Variants in HCN2 observed in about 807,000 individuals in gnomAD.
The protein encoded by HCN2 is potassium/sodium hyperpolarization-activated cyclic nucleotide-gated channel 2.
In HCN2, 20 loss-of-function variants were observed where a neutral mutation model predicts 52.3. The observed-to-expected ratio is 0.38, with a 90% CI of 0.27 to 0.56. HCN2 has a LOEUF of 0.56. Ranked by LOEUF, HCN2 falls within the 20% of genes least tolerant of loss-of-function variation. The pLI, the probability that HCN2 is intolerant of heterozygous loss-of-function variation, is 0.71. For missense variants in HCN2, 981 were observed against 1,207.7 expected, an observed-to-expected ratio of 0.81 and a Z score of 2.78; for synonymous variants, 694 against 537.0, an observed-to-expected ratio of 1.29 and a Z score of -4.04.
At position 605,112 on chromosome 19, in the gene HCN2, C is replaced by A; in HGVS notation, c.1108C>A (p.Leu370Ile). The A allele has an allele frequency of 6.2e-7, 1 of 1,612,034 alleles. No homozygotes were observed. Among genetic ancestry groups the A allele is most frequent in the South Asian group, 1.1e-5 (1 of 91,042 alleles). ...CAGCGCGGTGATGAGGATCTGCAAT[C>A]TCATCAGCATGATGCTGCTGCTCTG... ...LASAVMRICN[L>I]ISMMLLLCHW... The change falls in exon 3 of 8, where the codon CTC (leucine) becomes ATC (isoleucine). Residue 370 changes from leucine to isoleucine, a missense_variant. Leu to Ile is a conservative substitution (Grantham distance 5). Coordinates refer to ENST00000251287, the MANE Select transcript of HCN2 (RefSeq NM_001194.4).
chr19:604,601 G>GT (rs1342984333), intron 2 of HCN2, among the ~76,000 whole-genome samples: 1 of 146,138 alleles, frequency 6.8e-6, no homozygotes, highest in East Asian at 2.1e-4. Context: ...AGACATCCGA[G>GT]TGGAGATATG....
At chr19:602,802 A>G (rs1193168093) in intron 1 of HCN2, among the ~76,000 whole-genome samples, 2 of 152,190 alleles carry the variant, frequency 1.3e-5, no homozygotes, top group African/African-American at 4.8e-5. Context: ...TGCATCTTCA[A>G]GGACACGGGG....
chr19:597,512 T>C (rs924716274), intron 1 of HCN2, among the ~76,000 whole-genome samples: 5 of 151,484 alleles, frequency 3.3e-5, no homozygotes, highest in African/African-American at 1.2e-4. Flanking sequence ...TAGGTCCCCC[T>C]TGACAGTTTC....
chr19:596,688 G>A (rs564004191), intron 1 of HCN2, among the ~76,000 whole-genome samples: 33 of 152,304 alleles, frequency 2.2e-4, no homozygotes, highest in African/African-American at 7.5e-4. Flanking sequence ...GCTGGGGCCC[G>A]CCTGGGTCCC....
intron 3 of HCN2, among the ~76,000 whole-genome samples, chr19:606,520 A>G (rs1600528668): frequency 2.0e-5 from 3 of 151,990 alleles, no homozygotes; most frequent in Non-Finnish European, 4.4e-5. Flanking sequence ...AATTTACAAC[A>G]TGGCCCTGAA....
intron 7 of HCN2, among the ~76,000 whole-genome samples, chr19:615,381 G>A (rs113951448): frequency 6.6e-6 from 1 of 152,178 alleles, no homozygotes; most frequent in Non-Finnish European, 1.5e-5. Flanking sequence ...GGGTGTGGTG[G>A]CGGGCGCCTG....
At chr19:614,477 T>C (rs1255236261) in intron 7 of HCN2, among the ~76,000 whole-genome samples, 1 of 152,034 alleles carries the variant, frequency 6.6e-6, no homozygotes, top group Non-Finnish European at 1.5e-5. Context: ...GTGGGGCCGG[T>C]GGGCTTCCCT....
chr19:604,813 G>GA (rs2144518554), intron 2 of HCN2, among the ~76,000 whole-genome samples: 1 of 84,982 alleles, frequency 1.2e-5, no homozygotes, highest in African/African-American at 5.5e-5. Flanking sequence ...CTAGGGCGGG[G>GA]GCTGTGGATT....
At chr19:612,604 G>C (rs948505666) in intron 5 of HCN2, among the ~76,000 whole-genome samples, 1 of 152,006 alleles carries the variant, frequency 6.6e-6, no homozygotes, top group Admixed American at 6.6e-5. Context: ...TAGTAGAGAT[G>C]GGGTTTCACC....
intron 1 of HCN2, among the ~76,000 whole-genome samples, chr19:595,402 G>C (rs748647015): frequency 2.6e-5 from 4 of 151,728 alleles, no homozygotes; most frequent in African/African-American, 9.7e-5. Flanking sequence ...TCCAGACATC[G>C]GTCCTTCTTT....
At chr19:608,535 T>C (rs1180182939) in intron 4 of HCN2, among the ~76,000 whole-genome samples, 1 of 151,042 alleles carries the variant, frequency 6.6e-6, no homozygotes, top group Non-Finnish European at 1.5e-5. Flanking sequence ...GGTGAGAGGT[T>C]CTCTGACCCT....
chr19:602,073 C>A (rs1568363302), intron 1 of HCN2, among the ~76,000 whole-genome samples: 3 of 136,064 alleles, frequency 2.2e-5, no homozygotes, highest in African/African-American at 8.7e-5. Flanking sequence ...GGCTTCCCTC[C>A]CTCCTGTGTG....
chr19:595,671 C>T (rs779522814), intron 1 of HCN2, among the ~76,000 whole-genome samples: 8 of 152,312 alleles, frequency 5.3e-5, no homozygotes, highest in South Asian at 2.1e-4. Flanking sequence ...TCGTGTGCCC[C>T]GGCGCCCGGC....
chr19:614,076 G>C lies in HCN2; in HGVS notation c.1990+60G>C. 5 of 1,274,214 alleles carry C rather than the reference G, an allele frequency of 3.9e-6. No individual in the cohort carries two copies. In the South Asian group the frequency reaches 6.4e-5, roughly 16 times the overall value. 78.9% of individuals were successfully genotyped at this position (1,274,214 alleles called of 1,614,324 possible). ...CCTGGCGGGGGAGGGGCGTGGCCAA[G>C]GCATCAGGAGAGTGGCTTGGACAGT... On this transcript the variant is annotated intron_variant, in intron 7 of 7. Transcript: ENST00000251287.
chr19:613,654 G>T (rs1983757839), intron 6 of HCN2, among the ~76,000 whole-genome samples, 166 bp downstream of exon 6: 1 of 97,362 alleles, frequency 1.0e-5, no homozygotes. Flanking sequence ...TGGGGATGGG[G>T]ATGGGGCCGG....
At chr19:612,425 T>TGAGAGA (rs1169120336) in intron 5 of HCN2, among the ~76,000 whole-genome samples, 51 of 109,504 alleles carry the variant, frequency 4.7e-4, no homozygotes, top group African/African-American at 1.5e-3. Flanking sequence ...TGTGTGTGTG[T>TGAGAGA]GTGAGAGAGA....
intron 1 of HCN2, among the ~76,000 whole-genome samples, chr19:594,218 CGGTG>C (rs60998730): frequency 0.46 from 69,702 of 151,304 alleles, 17,041 homozygotes; most frequent in East Asian, 0.66. Flanking sequence ...TCCCTGCCCC[CGGTG>C]TCACCGAGGG....
At position 590,322 on chromosome 19, in the gene HCN2, C is replaced by T. The variant is rs1258293482; in HGVS notation, c.377C>T (p.Ser126Leu). ...GCGCGGGGGCCCAAGGTGTCGTTCT[C>T]GTGCCGCGGGGCGGCCTCGGGGCCC... ...GPARGPKVSF[S>L]CRGAASGPAP... Residue 126 changes from serine (S) to leucine (L), a missense_variant, in exon 1 of 8, where the codon TCG (serine) becomes TTG (leucine). By Grantham distance (145) the Ser-to-Leu change is moderately radical. Around this residue, in one of 6 missense-constraint regions of HCN2, gnomAD observed 215 missense variants for 179.4 expected, o/e 1.20. Transcript: ENST00000251287. The surrounding 1 kb of genome is among the most constrained non-coding windows in gnomAD (Gnocchi z 7.2). 15 of 1,021,846 alleles carry T rather than the reference C, an allele frequency of 1.5e-5. No individual in the cohort carries two copies. The highest frequency in any genetic ancestry group is 2.0e-4 in the East Asian group (2 of 10,256). 63.3% of individuals were successfully genotyped at this position (1,021,846 alleles called of 1,614,324 possible). A position where few individuals can be genotyped will look rare whatever the true frequency, so the allele number is the denominator to read the frequency against.
rs950723487 is a variant in HCN2, at chr19:592,423, A to C, written c.632+1846A>C. 2.6e-5 allele frequency among the ~76,000 whole-genome samples: 4 copies of C among 151,898 alleles called. No homozygotes were observed. Among genetic ancestry groups the C allele is most frequent in the African/African-American group, 9.7e-5 (4 of 41,340 alleles). ...GCTTGGGGGGAAGGCCGGTGGTAGG[A>C]GTGAAGCCCTCTCATCCTTCCACCC... is the stretch of plus-strand genomic sequence containing the variant. On this transcript the variant is annotated intron_variant, in intron 1 of 7. Transcript: ENST00000251287. This position sits in a 1 kb window ranked among gnomAD's most constrained non-coding sequence, Gnocchi z 4.8.
Sources: gnomAD v4.1 joint callset for allele counts (sites outside exome capture counted in the v4.1 genomes callset) on GRCh38, gnomAD v4.1.1 for gene constraint, gnomAD v4.1.1 regional missense constraint, Gnocchi (gnomAD v3.1) non-coding constraint, MANE v1.5 for transcripts, NCBI Gene and HGNC (gene_info 2026-07-23, HGNC 2026-07-21) for gene names.